The following COQ4 variants were observed in gnomAD, a reference collection of about 807,000 sequenced individuals.
The protein encoded by COQ4 is coenzyme Q4, also known as ubiquinone biosynthesis protein COQ4 homolog, mitochondrial.
In COQ4, 36 loss-of-function variants were observed where a neutral mutation model predicts 30.2. The ratio of observed to expected loss-of-function variants is 1.19; its 90% CI spans 0.91 to 1.57. The LOEUF is 1.57. Ranked by LOEUF, COQ4 falls within the 40% of genes most tolerant of loss-of-function variation. COQ4 has a pLI of 0.00. For synonymous variants in COQ4, 197 were observed against 161.0 expected (o/e 1.22, Z -1.69); for missense variants, 369 against 371.9 (o/e 0.99, Z 0.07).
At position 128,332,187 on chromosome 9, in the gene COQ4, T is replaced by G. The variant is rs1163170578; in HGVS notation, c.437T>G (p.Phe146Cys). 5 of 1,598,524 alleles carry G rather than the reference T, an allele frequency of 3.1e-6. No homozygotes were observed. The highest frequency in any genetic ancestry group is 2.6e-6 in the Non-Finnish European group (3 of 1,172,700). Residue 146 changes from phenylalanine to cysteine, a missense_variant, in exon 5 of 7, where the codon TTC becomes TGC. Physicochemically the swap from Phe to Cys is radical, Grantham distance 205 (BLOSUM62 -2). Transcript: ENST00000300452. ...CCAGACACCCGAGCACCCACCCGCT[T>G]CGTGGATGATGAGGAGCTAGCGTAT... ...VSPDTRAPTRFVDDEELAYVI... is the reference protein window; with the variant it reads ...VSPDTRAPTRCVDDEELAYVI...
intron 3 of COQ4, 34 bp downstream of exon 3, chr9:128,325,273 A>T (rs369909563): frequency 1.1e-4 from 164 of 1,446,618 alleles, no homozygotes; most frequent in Non-Finnish European, 1.5e-4. Flanking sequence ...GTCTGGGGGC[A>T]TTCTCTAGGT....
chr9:128,333,210 C>T (rs2061966913), intron 6 of COQ4, among the ~76,000 whole-genome samples: 1 of 152,046 alleles, frequency 6.6e-6, no homozygotes, highest in South Asian at 2.1e-4. Flanking sequence ...GAATGATGAG[C>T]GTCAGTGGGA....
At chr9:128,324,307 T>C (rs1295100321) in intron 2 of COQ4, among the ~76,000 whole-genome samples, 1 of 152,060 alleles carries the variant, frequency 6.6e-6, no homozygotes, top group Non-Finnish European at 1.5e-5. Flanking sequence ...AATTTTTTTG[T>C]AGAGACGGCG....
In COQ4 at chr9:128,333,658, G is replaced by T; in HGVS notation, c.*13G>T. The T allele has an allele frequency of 9.9e-6, 15 of 1,519,070 alleles. No homozygotes were observed. The highest frequency in any genetic ancestry group is 1.3e-5 in the Non-Finnish European group (15 of 1,138,990). The allele number at this position is 1,519,070 out of a possible 1,614,324, so 94.1% of individuals were successfully genotyped here. A position where few individuals can be genotyped will look rare whatever the true frequency, so the allele number is the denominator to read the frequency against. Reference sequence around the variant, plus strand: ...GGGCTTGGCCTGAGCTCCTGAGCCAGCGGGGCCTGGCCTACCTCCCCCATC... The same window carrying T: ...GGGCTTGGCCTGAGCTCCTGAGCCATCGGGGCCTGGCCTACCTCCCCCATC... On this transcript the variant is annotated 3_prime_UTR_variant, in exon 7 of 7. Coordinates refer to ENST00000300452, the MANE Select transcript of COQ4 (RefSeq NM_016035.5).
chr9:128,326,190 A>G (rs1018296375), intron 4 of COQ4: 32 of 534,176 alleles, frequency 6.0e-5, no homozygotes, highest in Non-Finnish European at 9.9e-5. Flanking sequence ...TTTAGCAGAT[A>G]AGGAAACAGA....
chr9:128,323,718 C>A (rs1415328001), intron 2 of COQ4: 2 of 176,882 alleles, frequency 1.1e-5, no homozygotes, highest in Admixed American at 1.3e-4. Context: ...ATCGGGGGGC[C>A]GAAGCGGGCA....
chr9:128,324,507 C>T (rs1832283955), intron 2 of COQ4, among the ~76,000 whole-genome samples: 1 of 152,132 alleles, frequency 6.6e-6, no homozygotes, highest in African/African-American at 2.4e-5. Flanking sequence ...CAAATTAAGA[C>T]ACTGAGGCTG....
At chr9:128,327,018 G>A (rs1399992368) in intron 4 of COQ4, among the ~76,000 whole-genome samples, 1 of 152,140 alleles carries the variant, frequency 6.6e-6, no homozygotes, top group East Asian at 1.9e-4. Flanking sequence ...AAAATGCTGG[G>A]ACTACAGGTG....
At position 128,332,866 on chromosome 9, in the gene COQ4, A is replaced by G. The variant is rs1302290199; in HGVS notation, c.549A>G (p.Lys183=). The part of the protein sequence containing the change: ...PTNILGEIVV[K]WFEAVQTGLP... ...CACCCACAGGGGAGATCGTGGTGAA[A>G]TGGTTTGAGGCTGTCCAGACTGGCC... Residue 183 remains lysine, a synonymous_variant, in exon 6 of 7, where the codon AAA becomes AAG. Transcript: ENST00000300452. 1.2e-6 allele frequency: 2 copies of G among 1,613,998 alleles called. No homozygotes were observed. Among genetic ancestry groups the G allele is most frequent in the Non-Finnish European group, 8.5e-7 (1 of 1,179,894 alleles).
intron 4 of COQ4, chr9:128,330,936 T>C (rs1458213817): frequency 6.6e-6 from 1 of 151,050 alleles, no homozygotes; most frequent in African/African-American, 2.4e-5. Context: ...CTCCCGGGCT[T>C]ACGCCATTCT....
intron 4 of COQ4, among the ~76,000 whole-genome samples, chr9:128,328,989 G>A (rs1832364597): frequency 6.6e-6 from 1 of 152,182 alleles, no homozygotes; most frequent in Admixed American, 6.5e-5. Flanking sequence ...GAGCACCTTT[G>A]TCCCCAGAGA....
intron 4 of COQ4, among the ~76,000 whole-genome samples, chr9:128,329,084 A>G (rs1832365857): frequency 6.6e-6 from 1 of 152,214 alleles, no homozygotes; most frequent in South Asian, 2.1e-4. Flanking sequence ...TGTAGTATCA[A>G]GACTACAGGC....
chr9:128,325,831 C>T lies in COQ4; in HGVS notation c.352C>T (p.Leu118=). Residue 118 remains leucine (L), a synonymous_variant, in exon 4 of 7, where the codon CTG becomes TTG. Coordinates refer to ENST00000300452, the MANE Select transcript of COQ4 (RefSeq NM_016035.5). The part of the protein sequence containing the change: ...STLDLGKLQS[L]PEGSLGREYL... ...CCTCGACCTGGGCAAGCTCCAGAGC[C>T]TGCCGGAAGGCTCCCTCGGTCGCGA... The T allele has an allele frequency of 6.2e-7, 1 of 1,614,244 alleles. No homozygotes were observed. The highest frequency in any genetic ancestry group is 8.5e-7 in the Non-Finnish European group (1 of 1,180,048).
At position 128,332,299 on chromosome 9, in the gene COQ4, C is replaced by T. The variant is rs1258113364; in HGVS notation, c.532+17C>T. 1 of 1,610,880 alleles carries T rather than the reference C, an allele frequency of 6.2e-7. No homozygotes were observed. The highest frequency in any genetic ancestry group is 8.5e-7 in the Non-Finnish European group (1 of 1,179,396). On this transcript the variant is annotated intron_variant, in intron 5 of 6. Coordinates refer to ENST00000300452, the MANE Select transcript of COQ4 (RefSeq NM_016035.5). ...ACATCCTGGGTGAGTGCCCCCAACC[C>T]TGATGGCCTGTCTCCCTGGGGTGGC...
At position 128,333,915 on chromosome 9, in the gene COQ4, G is replaced by A. The variant is rs1167247433; in HGVS notation, c.*270G>A. On this transcript the variant is annotated 3_prime_UTR_variant, in exon 7 of 7. Coordinates refer to ENST00000300452, the MANE Select transcript of COQ4 (RefSeq NM_016035.5). ...TCGTCTGGGCTCATGCTGGGATGTCGCAGTGCTCCTGTTGCAACTCCTCCC... is the reference window on the plus strand; with the variant it reads ...TCGTCTGGGCTCATGCTGGGATGTCACAGTGCTCCTGTTGCAACTCCTCCC... 1.8e-5 allele frequency: 5 copies of A among 282,798 alleles called. No homozygotes were observed. Among genetic ancestry groups the A allele is most frequent in the South Asian group, 1.3e-4 (1 of 7,668 alleles). 17.5% of individuals were successfully genotyped at this position (282,798 alleles called of 1,614,324 possible). A position where few individuals can be genotyped will look rare whatever the true frequency, so the allele number is the denominator to read the frequency against.
Position 128,322,930 on chromosome 9 carries a change from C to G in COQ4, c.70+2C>G, listed in dbSNP as rs767839639. On this transcript the variant is annotated splice_donor_variant, in intron 1 of 6. Transcript: ENST00000300452. LOFTEE classifies it high-confidence loss of function. Reference sequence around the variant, plus strand: ...CGGGCCTACAGCGGCCTGCGGCAGGCAAGTGGCGCCGGGTTCTGGGCGCAG... The same window carrying G: ...CGGGCCTACAGCGGCCTGCGGCAGGGAAGTGGCGCCGGGTTCTGGGCGCAG... The G allele has an allele frequency of 1.4e-5, 22 of 1,601,364 alleles. No homozygotes were observed. Among genetic ancestry groups the G allele is most frequent in the Admixed American group, 1.2e-4 (7 of 59,556 alleles).
Position 128,325,179 on chromosome 9 carries a change from G to C in COQ4, c.239G>C (p.Arg80Pro), listed in dbSNP as rs527905977. ...GTTCTAGGGGAGACCACAGGACACC[G>C]CACCCTGAAGGTCCTCAGGGACCAG... ...VAVLGETTGH[R>P]TLKVLRDQMR... Residue 80 changes from arginine (R) to proline (P), a missense_variant, in exon 3 of 7, where the codon CGC becomes CCC. Arg to Pro is a moderately radical substitution (Grantham distance 103, BLOSUM62 -2). Coordinates refer to ENST00000300452, the MANE Select transcript of COQ4 (RefSeq NM_016035.5). 1.3e-5 allele frequency: 21 copies of C among 1,613,924 alleles called. No homozygotes were observed. Among genetic ancestry groups the C allele is most frequent in the Non-Finnish European group, 1.8e-5 (21 of 1,179,942 alleles).
At position 128,325,941 on chromosome 9, in the gene COQ4, G is replaced by C. The variant is rs565658651; in HGVS notation, c.402+60G>C. ...CAGACAGGACAGAGGAATAGCACAG[G>C]CATGACACCCTGAGGAAAGAGGAGC... On this transcript the variant is annotated intron_variant, in intron 4 of 6. Coordinates refer to ENST00000300452, the MANE Select transcript of COQ4 (RefSeq NM_016035.5). 27 of 1,421,638 alleles carry C rather than the reference G, an allele frequency of 1.9e-5. No individual in the cohort carries two copies. The South Asian group carries it at 3.0e-4, about 16-fold the overall frequency. 88.1% of individuals were successfully genotyped at this position (1,421,638 alleles called of 1,614,324 possible).
In COQ4 at chr9:128,322,917, G is replaced by A. The variant is rs9697215; in HGVS notation, c.59G>A (p.Arg20Gln). The A allele has an allele frequency of 0.026, 41,646 of 1,599,588 alleles. 1,089 individuals are homozygous for A. Among genetic ancestry groups the A allele is most frequent in the African/African-American group, 0.12 (9,008 of 74,702 alleles). ...RRLCGLPGLQ[R>Q]PAAEMPLRAR... ...CTCTGCGGGCTCCCGGGCCTACAGC[G>A]GCCTGCGGCAGGCAAGTGGCGCCGG... Residue 20 changes from arginine (R) to glutamine (Q), a missense_variant, in exon 1 of 7, where the codon CGG becomes CAG. Coordinates refer to ENST00000300452, the MANE Select transcript of COQ4 (RefSeq NM_016035.5).
Sources: gnomAD v4.1 joint callset for allele counts (sites outside exome capture counted in the v4.1 genomes callset) on GRCh38, gnomAD v4.1.1 for gene constraint, MANE v1.5 for transcripts, NCBI Gene and HGNC (gene_info 2026-07-23, HGNC 2026-07-21) for gene names.